The following ANO3 variants were observed in gnomAD, a reference collection of about 807,000 sequenced individuals.
ANO3 encodes the protein anoctamin 3, also known as anoctamin-3.
ANO3 carries 99 observed loss-of-function variants against 144.8 expected under a neutral mutation model. That is an observed-to-expected ratio of 0.68 (90% CI 0.58 to 0.81). The LOEUF is 0.81. ANO3 is among the 30% of genes least tolerant of loss of function. The pLI, the probability that ANO3 is intolerant of heterozygous loss-of-function variation, is 0.00. For missense variants in ANO3, 905 were observed against 1,202.2 expected (o/e 0.75, Z 3.66); for synonymous variants, 414 against 392.6 (o/e 1.05, Z -0.64).
At chr11:26,194,136 G>A (rs1157798286) in intron 1 of ANO3, among the ~76,000 whole-genome samples, 1 of 151,930 alleles carries the variant, frequency 6.6e-6, no homozygotes, top group African/African-American at 2.4e-5. Context: ...AAGGAGGTGA[G>A]GTCACTTATT....
chr11:26,231,861 CTTAGT>C (rs779328315), intron 1 of ANO3, among the ~76,000 whole-genome samples: 28 of 152,072 alleles, frequency 1.8e-4, no homozygotes, highest in Non-Finnish European at 2.8e-4. Flanking sequence ...TCAAACAGTC[CTTAGT>C]TTAAAGTGTG....
At chr11:26,472,480 TAAG>T (rs1859818097) in intron 4 of ANO3, among the ~76,000 whole-genome samples, 1 of 151,850 alleles carries the variant, frequency 6.6e-6, no homozygotes, top group Non-Finnish European at 1.5e-5. Context: ...ACACAGCTGG[TAAG>T]GAGGAGGCAG....
chr11:26,251,844 C>G (rs1209657567), intron 1 of ANO3, among the ~76,000 whole-genome samples: 6 of 152,154 alleles, frequency 3.9e-5, no homozygotes, highest in African/African-American at 1.4e-4. Flanking sequence ...CTCACTATCA[C>G]GCAGACAGCA....
At chr11:26,429,881 A>G (rs1380839158) in intron 1 of ANO3, among the ~76,000 whole-genome samples, 2 of 152,048 alleles carry the variant, frequency 1.3e-5, no homozygotes, top group Non-Finnish European at 2.9e-5. Context: ...AGAGATAGAT[A>G]CTAACACACT....
Position 26,311,573 on chromosome 11 carries a change from G to A in ANO3, c.-3+1854G>A, listed in dbSNP as rs932161811. Among the ~76,000 whole-genome samples the A allele has an allele frequency of 6.6e-5, 10 of 152,222 alleles. 1 individual carries two copies. Among genetic ancestry groups the A allele is most frequent in the African/African-American group, 2.2e-4 (9 of 41,462 alleles). ...ACATGATAGGTCACCCAACTTCTGT[G>A]TGTAGGTGAAGATATTACTAAAGAG... On this transcript the variant is annotated intron_variant, in intron 1 of 26. Transcript: ENST00000525139.
At chr11:26,432,565 A>G (rs1858151863) in intron 1 of ANO3, among the ~76,000 whole-genome samples, 1 of 151,852 alleles carries the variant, frequency 6.6e-6, no homozygotes, top group South Asian at 2.1e-4. Flanking sequence ...ATCCATCTTG[A>G]GTTGATTTTT....
chr11:26,466,912 C>T (rs183385877), intron 4 of ANO3, among the ~76,000 whole-genome samples: 48 of 152,072 alleles, frequency 3.2e-4, no homozygotes, highest in Admixed American at 2.7e-3. Context: ...GAGTTTGACA[C>T]AGCATATTCA....
intron 1 of ANO3, among the ~76,000 whole-genome samples, chr11:26,303,878 C>T (rs12223893): frequency 6.6e-6 from 1 of 151,988 alleles, no homozygotes. Flanking sequence ...TGCCACCATA[C>T]CTGGCTAATT....
chr11:26,499,430 C>T (rs1486061199), intron 4 of ANO3, among the ~76,000 whole-genome samples: 1 of 151,424 alleles, frequency 6.6e-6, no homozygotes, highest in East Asian at 1.9e-4. Context: ...TTTAATTTTA[C>T]TTTTCTCACT....
chr11:26,356,410 CTCTTA>C (rs1328112901), intron 1 of ANO3, among the ~76,000 whole-genome samples: 4 of 152,274 alleles, frequency 2.6e-5, no homozygotes, highest in East Asian at 1.9e-4. Flanking sequence ...CCCTCCCTCT[CTCTTA>C]TATCTGCTAG....
intron 1 of ANO3, among the ~76,000 whole-genome samples, chr11:26,432,292 A>G (rs958268150): frequency 3.3e-5 from 5 of 152,126 alleles, no homozygotes; most frequent in South Asian, 2.1e-4. Flanking sequence ...TAAGTTCGCT[A>G]TAGATGCTGG....
chr11:26,272,308 G>A (rs980718714), intron 1 of ANO3, among the ~76,000 whole-genome samples: 2 of 151,882 alleles, frequency 1.3e-5, no homozygotes, highest in Non-Finnish European at 2.9e-5. Context: ...ATTGATGTCT[G>A]CAACTGCCTG....
intron 1 of ANO3, among the ~76,000 whole-genome samples, chr11:26,252,763 T>C (rs1436814749): frequency 1.3e-5 from 2 of 152,178 alleles, no homozygotes; most frequent in Non-Finnish European, 2.9e-5. Flanking sequence ...CACTACTCAG[T>C]GAACAACATT....
At chr11:26,622,305 A>G (rs1205665346) in intron 17 of ANO3, among the ~76,000 whole-genome samples, 1 of 152,010 alleles carries the variant, frequency 6.6e-6, no homozygotes, top group Non-Finnish European at 1.5e-5. Context: ...TGTGCTAGAT[A>G]TTAAGACAAA....
chr11:26,536,772 T>C (rs1197355369), intron 9 of ANO3, among the ~76,000 whole-genome samples: 1 of 152,108 alleles, frequency 6.6e-6, no homozygotes, highest in Non-Finnish European at 1.5e-5. Context: ...AAAAATTAAA[T>C]GATTTATCAG....
chr11:26,549,352 TGACTGAAAATTTGGG>T (rs1413911272), intron 12 of ANO3, among the ~76,000 whole-genome samples: 1 of 152,020 alleles, frequency 6.6e-6, no homozygotes, highest in African/African-American at 2.4e-5. Context: ...CTGAATATCT[TGACTGAAAATTTGGG>T]GACTGAAATT....
At chr11:26,213,508 C>T (rs35733671) in intron 1 of ANO3, among the ~76,000 whole-genome samples, 45,985 of 151,986 alleles carry the variant, frequency 0.3, 7,701 homozygotes, top group Non-Finnish European at 0.37. Flanking sequence ...AGCCAAATCA[C>T]AAGTGAACTT....
At chr11:26,295,066 TTTGTTG>T (rs760800574) in intron 1 of ANO3, among the ~76,000 whole-genome samples, 9 of 151,654 alleles carry the variant, frequency 5.9e-5, no homozygotes, top group Non-Finnish European at 1.0e-4. Flanking sequence ...GCCAGGGTAA[TTTGTTG>T]TTGTTGTTGT....
At chr11:26,644,815 TCA>T (rs71449132) in intron 23 of ANO3, among the ~76,000 whole-genome samples, 20,583 of 145,130 alleles carry the variant, frequency 0.14, 2,211 homozygotes, top group African/African-American at 0.3. Context: ...GGAATACTAA[TCA>T]CACACACACA....
Sources: allele counts gnomAD v4.1 joint callset (sites outside exome capture counted in the v4.1 genomes callset), GRCh38; gene constraint gnomAD v4.1.1; transcripts MANE v1.5; gene names NCBI Gene and HGNC (gene_info 2026-07-23, HGNC 2026-07-21).